SH3GL2: variants seen among roughly 807,000 people sequenced by gnomAD.
SH3GL2 encodes endophilin-A1.
Under a neutral mutation model 46.0 loss-of-function variants are expected in SH3GL2, and 24 were observed. The ratio of observed to expected loss-of-function variants is 0.52; its 90% CI spans 0.38 to 0.73. SH3GL2 has a LOEUF of 0.73. SH3GL2 is among the 30% of genes least tolerant of loss of function. The pLI is 0.00. For synonymous variants in SH3GL2, 196 were observed against 147.1 expected (o/e 1.33, Z -2.40); for missense variants, 413 against 424.2 (o/e 0.97, Z 0.23).
At chr9:17,788,145 T>A (rs958275787) in intron 5 of SH3GL2, among the ~76,000 whole-genome samples, 7 of 152,254 alleles carry the variant, frequency 4.6e-5, no homozygotes, top group Admixed American at 2.6e-4. Context: ...TTTGAAACTT[T>A]GTTGGGTGTA....
chr9:17,775,033 T>A (rs1474713916), intron 3 of SH3GL2, among the ~76,000 whole-genome samples: 1 of 152,224 alleles, frequency 6.6e-6, no homozygotes. Flanking sequence ...TCTAAGAGTT[T>A]GTCCATTTCA....
chr9:17,760,171 C>A (rs1382084339), intron 2 of SH3GL2, among the ~76,000 whole-genome samples: 1 of 152,144 alleles, frequency 6.6e-6, no homozygotes, highest in Admixed American at 6.5e-5. Flanking sequence ...GATATTTATA[C>A]AAGATTTATA....
intron 1 of SH3GL2, among the ~76,000 whole-genome samples, chr9:17,715,735 C>G (rs914152635): frequency 2.0e-5 from 3 of 151,862 alleles, no homozygotes; most frequent in Non-Finnish European, 4.4e-5. Flanking sequence ...CCAGATAAAC[C>G]TATCATAAGT....
chr9:17,738,518 G>A (rs12003964), intron 1 of SH3GL2, among the ~76,000 whole-genome samples: 3 of 131,372 alleles, frequency 2.3e-5, no homozygotes, highest in Non-Finnish European at 3.5e-5. Flanking sequence ...ATACATATGT[G>A]TGTGTATATA....
At chr9:17,599,936 C>A (rs754165853) in intron 1 of SH3GL2, among the ~76,000 whole-genome samples, 1 of 149,462 alleles carries the variant, frequency 6.7e-6, no homozygotes, top group East Asian at 1.9e-4. Flanking sequence ...CTAAGACTGC[C>A]TATCTTTTTT....
chr9:17,786,546 T>C, intron 4 of SH3GL2, 22 bp downstream of exon 4: 5 of 1,609,808 alleles, frequency 3.1e-6, no homozygotes, highest in Non-Finnish European at 4.2e-6. Context: ...TTCCTCACAT[T>C]GTAATTCTTT....
At chr9:17,769,445 C>G (rs146019248) in intron 3 of SH3GL2, among the ~76,000 whole-genome samples, 1,921 of 152,192 alleles carry the variant, frequency 0.013, 37 homozygotes, top group African/African-American at 0.045. Flanking sequence ...AGATGTAATT[C>G]ACATCTTGTC....
chr9:17,667,466 G>C lies in SH3GL2; in HGVS notation c.46-79600G>C, dbSNP rs149184965. On this transcript the variant is annotated intron_variant, in intron 1 of 8. Coordinates refer to ENST00000380607, the MANE Select transcript of SH3GL2 (RefSeq NM_003026.5). ...TGTCTGGCTTCTTTCTCTTAGCATA[G>C]TGTTTTCAACATATATGAATATGTT... is the stretch of plus-strand genomic sequence containing the variant. 1.2e-3 allele frequency among the ~76,000 whole-genome samples: 182 copies of C among 152,184 alleles called. 4 individuals are homozygous for C. The East Asian group carries it at 0.031, about 26-fold the overall frequency.
At chr9:17,604,474 G>T (rs1195714045) in intron 1 of SH3GL2, among the ~76,000 whole-genome samples, 2 of 152,228 alleles carry the variant, frequency 1.3e-5, no homozygotes, top group Non-Finnish European at 2.9e-5. Flanking sequence ...TGTTATTGCT[G>T]TTGTTACTGG....
chr9:17,748,115 A>G (rs1163716770), intron 2 of SH3GL2, among the ~76,000 whole-genome samples: 1 of 152,260 alleles, frequency 6.6e-6, no homozygotes, highest in East Asian at 1.9e-4. Flanking sequence ...AGTGATGAAC[A>G]AAACATCTCA....
intron 1 of SH3GL2, among the ~76,000 whole-genome samples, chr9:17,693,936 A>G (rs560938456): frequency 1.5e-3 from 236 of 152,298 alleles, no homozygotes; most frequent in African/African-American, 5.5e-3. Context: ...ATAGTGGAGA[A>G]GAGGAAGCTT....
At chr9:17,769,870 T>G (rs973388731) in intron 3 of SH3GL2, among the ~76,000 whole-genome samples, 2 of 152,246 alleles carry the variant, frequency 1.3e-5, no homozygotes, top group African/African-American at 4.8e-5. Flanking sequence ...ATTTATTGAA[T>G]GAATGCTGTT....
chr9:17,720,116 G>A (rs1563826074), intron 1 of SH3GL2, among the ~76,000 whole-genome samples: 1 of 151,964 alleles, frequency 6.6e-6, no homozygotes, highest in Non-Finnish European at 1.5e-5. Flanking sequence ...TATTTTGCTT[G>A]ATTCTCAAAT....
At position 17,768,836 on chromosome 9, in the gene SH3GL2, A is replaced by G. The variant is rs568434626; in HGVS notation, c.187+7327A>G. On this transcript the variant is annotated intron_variant, in intron 3 of 8. Coordinates refer to ENST00000380607, the MANE Select transcript of SH3GL2 (RefSeq NM_003026.5). ...TTTTATATTTTCATGCTACCTTTAT[A>G]TCACATGAGTTCCCCTCAACAAATC... Among the ~76,000 whole-genome samples, 22 of 152,290 alleles carry G rather than the reference A, an allele frequency of 1.4e-4. 1 individual carries two copies. The South Asian group carries it at 4.6e-3, about 32-fold the overall frequency.
intron 2 of SH3GL2, chr9:17,755,745 C>A (rs1273101336): frequency 2.0e-5 from 20 of 981,956 alleles, no homozygotes; most frequent in Non-Finnish European, 2.4e-5. Flanking sequence ...ATCTTTCAGT[C>A]CTTTTGTTGC....
In SH3GL2 at chr9:17,674,306, G is replaced by T. The variant is rs911557804; in HGVS notation, c.46-72760G>T. Among the ~76,000 whole-genome samples, 125 of 152,078 alleles carry T rather than the reference G, an allele frequency of 8.2e-4. 1 individual carries two copies. The highest frequency in any genetic ancestry group is 2.6e-4 in the Non-Finnish European group (18 of 67,996). Reference sequence around the variant, plus strand: ...TTTTAAGACGGAGTCTCTCTCTGTTGCCCAGGCTGGAGTGCAGTGGTGTGA... The same window carrying T: ...TTTTAAGACGGAGTCTCTCTCTGTTTCCCAGGCTGGAGTGCAGTGGTGTGA... On this transcript the variant is annotated intron_variant, in intron 1 of 8. Transcript: ENST00000380607.
chr9:17,775,483 G>T (rs1260158702), intron 3 of SH3GL2, among the ~76,000 whole-genome samples: 6 of 152,180 alleles, frequency 3.9e-5, no homozygotes, highest in Non-Finnish European at 4.4e-5. Flanking sequence ...TATATATGTA[G>T]TAGATAACTT....
rs1001429334 is a variant in SH3GL2 at position 17,606,313 on chromosome 9, G to C, written c.45+27026G>C. On this transcript the variant is annotated intron_variant, in intron 1 of 8. Transcript: ENST00000380607. The stretch of plus-strand genomic sequence containing the variant: ...TCACCATCTCGGTCAGGCTGGTCTT[G>C]AACTCCTGACCTCATGATCCGCCCG... Among the ~76,000 whole-genome samples, 5 of 152,174 alleles carry C rather than the reference G, an allele frequency of 3.3e-5. No homozygotes were observed. The South Asian group carries it at 8.3e-4, about 25-fold the overall frequency.
At chr9:17,735,017 A>G (rs183239834) in intron 1 of SH3GL2, among the ~76,000 whole-genome samples, 1 of 152,258 alleles carries the variant, frequency 6.6e-6, no homozygotes, top group African/African-American at 2.4e-5. Context: ...GAACTAAAGG[A>G]CAAGTAACTT....
Sources: gnomAD v4.1 joint callset for allele counts (sites outside exome capture counted in the v4.1 genomes callset) on GRCh38, gnomAD v4.1.1 for gene constraint, MANE v1.5 for transcripts, NCBI Gene and HGNC (gene_info 2026-07-23, HGNC 2026-07-21) for gene names.